SAMSN1: variants seen among roughly 807,000 people sequenced by gnomAD.
SAMSN1 encodes the protein SAM domain, SH3 domain and nuclear localization signals 1, also known as SAM domain-containing protein SAMSN-1.
SAMSN1 carries 31 observed loss-of-function variants against 42.0 expected under a neutral mutation model. The observed-to-expected ratio is 0.74, with a 90% CI of 0.55 to 1.00. SAMSN1 has a LOEUF of 1.00. SAMSN1 is among the 50% of genes least tolerant of loss of function. The probability of loss-of-function intolerance (pLI) is 0.00; values close to 1 mark genes in which losing one functional copy is unlikely to be tolerated. For missense variants in SAMSN1, 464 were observed against 439.4 expected (o/e 1.06, Z -0.50); for synonymous variants, 178 against 151.9 (o/e 1.17, Z -1.26).
At chr21:14,587,394 T>G (rs1196460271), upstream of SAMSN1, among the ~76,000 whole-genome samples, 1 of 152,202 alleles carries the variant, frequency 6.6e-6, no homozygotes, top group Non-Finnish European at 1.5e-5. Flanking sequence ...TCAGCAATGT[T>G]GACCACAGTG....
chr21:14,619,557 T>A (rs915434623), intron 2 of SAMSN1: 1 of 185,822 alleles, frequency 5.4e-6, no homozygotes, highest in Non-Finnish European at 1.3e-5. Flanking sequence ...AGTCATTCAT[T>A]TCTACATTCA....
chr21:14,629,721 A>T (rs180998463), intron 2 of SAMSN1, among the ~76,000 whole-genome samples: 1 of 152,274 alleles, frequency 6.6e-6, no homozygotes, highest in East Asian at 1.9e-4. Flanking sequence ...AATTGCACGA[A>T]CTTTGCCATT....
chr21:14,495,790 A>G (rs1986892645), intron 7 of SAMSN1: 3 of 152,228 alleles, frequency 2.0e-5, no homozygotes, highest in Admixed American at 2.0e-4. Context: ...GATAGATGTA[A>G]GAGACTGAAT....
At chr21:14,630,623 T>C (rs1600974468) in intron 2 of SAMSN1, among the ~76,000 whole-genome samples, 2 of 152,284 alleles carry the variant, frequency 1.3e-5, no homozygotes, top group African/African-American at 2.4e-5. Flanking sequence ...ATCATAGATA[T>C]AACAGGAAAC....
At chr21:14,603,643 G>A (rs1982494611) in intron 5 of SAMSN1, among the ~76,000 whole-genome samples, 1 of 152,242 alleles carries the variant, frequency 6.6e-6, no homozygotes, top group Non-Finnish European at 1.5e-5. Flanking sequence ...AGAGGAGGTA[G>A]GGCTGGATAG....
chr21:14,527,207 T>C (rs1978919763), intron 1 of SAMSN1, among the ~76,000 whole-genome samples: 1 of 152,220 alleles, frequency 6.6e-6, no homozygotes, highest in Non-Finnish European at 1.5e-5. Flanking sequence ...ATATGAATAT[T>C]CTACTATAAT....
chr21:14,500,442 A>T, intron 6 of SAMSN1, 87 bp downstream of exon 6: 2 of 1,069,094 alleles, frequency 1.9e-6, no homozygotes, highest in Non-Finnish European at 1.4e-6. Flanking sequence ...TTGTATTTTT[A>T]AGCAATGCAA....
In SAMSN1 at chr21:14,577,284, ATTTT is replaced by A. The variant is rs58491748; in HGVS notation, c.261+4848_261+4851del. Among the ~76,000 whole-genome samples the A allele has an allele frequency of 4.5e-4, 24 of 53,860 alleles. 1 individual carries two copies. The highest frequency in any genetic ancestry group is 5.9e-4 in the African/African-American group (7 of 11,890). The allele number at this position is 53,860 out of a possible 152,430, so 35.3% of individuals were successfully genotyped here. ...TATATATATATATATATATATATAT[ATTTT>A]TTTTTTAGAAGAGACAGGGTTTTAC... is the stretch of plus-strand genomic sequence containing the variant. On this transcript the variant is annotated intron_variant, in intron 2 of 8. Coordinates refer to the SAMSN1 transcript ENST00000285670.
At chr21:14,658,763 A>G (rs149843518) in exon 1 of SAMSN1, 18 of 715,680 alleles carry the variant, frequency 2.5e-5, no homozygotes, top group South Asian at 4.4e-5. Flanking sequence ...AAATGCAGAA[A>G]AGATTCATTT....
chr21:14,549,016 G>A (rs1225829687), upstream of SAMSN1, among the ~76,000 whole-genome samples: 1 of 152,170 alleles, frequency 6.6e-6, no homozygotes, highest in Admixed American at 6.6e-5. Flanking sequence ...AGACAGAATG[G>A]AACTTTGTGT....
At chr21:14,517,700 G>A (rs1385091963) in intron 2 of SAMSN1, among the ~76,000 whole-genome samples, 1 of 152,122 alleles carries the variant, frequency 6.6e-6, no homozygotes, top group African/African-American at 2.4e-5. Flanking sequence ...GACTGCTTCA[G>A]TCTGTGCTTA....
intron 1 of SAMSN1, among the ~76,000 whole-genome samples, chr21:14,543,629 A>C (rs1163749589): frequency 6.6e-6 from 1 of 152,210 alleles, no homozygotes; most frequent in Non-Finnish European, 1.5e-5. Context: ...AGGTAACATT[A>C]GTTATAATAT....
At chr21:14,637,235 A>C (rs1237308518) in intron 2 of SAMSN1, among the ~76,000 whole-genome samples, 1 of 152,198 alleles carries the variant, frequency 6.6e-6, no homozygotes, top group Non-Finnish European at 1.5e-5. Context: ...ATTGCACTTA[A>C]ACCATTGAAG....
chr21:14,536,301 C>T (rs1043037319), intron 1 of SAMSN1, among the ~76,000 whole-genome samples: 55 of 152,210 alleles, frequency 3.6e-4, no homozygotes, highest in African/African-American at 1.3e-3. Context: ...CAAAGAAAGA[C>T]TAAAGAGATA....
intron 2 of SAMSN1, among the ~76,000 whole-genome samples, chr21:14,573,211 T>C (rs59078624): frequency 0.012 from 1,894 of 152,302 alleles, 32 homozygotes; most frequent in African/African-American, 0.043. Context: ...AAGCACTCTT[T>C]ATACCGCACA....
At chr21:14,517,599 C>T (rs1050300847) in intron 2 of SAMSN1, among the ~76,000 whole-genome samples, 20 of 151,910 alleles carry the variant, frequency 1.3e-4, no homozygotes, top group Admixed American at 2.6e-4. Flanking sequence ...TTCCCATATT[C>T]GCAAGCAATA....
At chr21:14,563,717 T>G (rs1277749259) in intron 2 of SAMSN1, among the ~76,000 whole-genome samples, 1 of 152,148 alleles carries the variant, frequency 6.6e-6, no homozygotes, top group East Asian at 1.9e-4. Context: ...CAAAGTTATA[T>G]TTTAGAGAGA....
chr21:14,613,447 G>A (rs1482197171), intron 3 of SAMSN1, among the ~76,000 whole-genome samples: 1 of 152,150 alleles, frequency 6.6e-6, no homozygotes, highest in East Asian at 1.9e-4. Context: ...ATCAATTCAT[G>A]TGTGTGGGTG....
intron 1 of SAMSN1, among the ~76,000 whole-genome samples, chr21:14,522,598 C>A (rs1978565859): frequency 6.6e-6 from 1 of 152,052 alleles, no homozygotes; most frequent in Non-Finnish European, 1.5e-5. Flanking sequence ...GTAACAAAAT[C>A]CACTTTACCA....
Sources: gnomAD v4.1 joint callset for allele counts (sites outside exome capture counted in the v4.1 genomes callset) on GRCh38, gnomAD v4.1.1 for gene constraint, MANE v1.5 for transcripts, NCBI Gene and HGNC (gene_info 2026-07-23, HGNC 2026-07-21) for gene names.